Variants in CELF4 observed in about 807,000 individuals in gnomAD.
The protein encoded by CELF4 is CUGBP Elav-like family member 4.
In CELF4, 18 loss-of-function variants were observed where a neutral mutation model predicts 59.9. That is an observed-to-expected ratio of 0.30 (90% CI 0.21 to 0.45). CELF4 has a LOEUF of 0.45. CELF4 is among the 20% of genes least tolerant of loss of function. CELF4 has a pLI of 1.00. For missense variants in CELF4, 456 were observed against 689.0 expected (o/e 0.66, Z 3.79); for synonymous variants, 261 against 267.1 (o/e 0.98, Z 0.22).
At chr18:37,475,805 G>A (rs550520862) in intron 2 of CELF4, among the ~76,000 whole-genome samples, 17 of 152,256 alleles carry the variant, frequency 1.1e-4, no homozygotes, top group African/African-American at 4.1e-4. Flanking sequence ...CCCAATTCCA[G>A]GAGGAAAATT....
chr18:37,320,335 C>CAAAA (rs397858112), intron 3 of CELF4, among the ~76,000 whole-genome samples: 2 of 65,244 alleles, frequency 3.1e-5, no homozygotes, highest in Non-Finnish European at 2.9e-5. Flanking sequence ...GACTCCATCT[C>CAAAA]AAAAAAAAAA....
chr18:37,420,336 C>A (rs939771016), intron 2 of CELF4, among the ~76,000 whole-genome samples: 23 of 152,224 alleles, frequency 1.5e-4, no homozygotes, highest in African/African-American at 4.8e-4. Flanking sequence ...CCTTGGTTTC[C>A]TTATCTGGTA....
chr18:37,368,317 C>T (rs370816730), intron 2 of CELF4, among the ~76,000 whole-genome samples: 5 of 152,250 alleles, frequency 3.3e-5, no homozygotes, highest in African/African-American at 9.6e-5. Context: ...CCTCCCTGCC[C>T]GTCTCCCTAC....
intron 10 of CELF4, among the ~76,000 whole-genome samples, chr18:37,259,628 C>G (rs147589522): frequency 4.6e-4 from 70 of 152,270 alleles, no homozygotes; most frequent in African/African-American, 1.5e-3. Context: ...CCCAGGAGAT[C>G]CGGGAGGCCT....
intron 3 of CELF4, among the ~76,000 whole-genome samples, chr18:37,317,648 A>G (rs2096914106): frequency 6.6e-6 from 1 of 151,978 alleles, no homozygotes; most frequent in Non-Finnish European, 1.5e-5. Flanking sequence ...TTCCCTCTGT[A>G]CTTGTATCTC....
chr18:37,547,609 G>A (rs780387646), intron 1 of CELF4, among the ~76,000 whole-genome samples: 14 of 152,194 alleles, frequency 9.2e-5, no homozygotes, highest in Non-Finnish European at 1.8e-4. Context: ...GGAGATTGCA[G>A]GGGGAGTGCT....
At chr18:37,509,372 G>A (rs2099941738) in intron 1 of CELF4, among the ~76,000 whole-genome samples, 1 of 152,254 alleles carries the variant, frequency 6.6e-6, no homozygotes, top group African/African-American at 2.4e-5. Context: ...TGTGTGTGTG[G>A]TGAAAAAATC....
At chr18:37,463,288 C>T (rs1165436052) in intron 2 of CELF4, among the ~76,000 whole-genome samples, 1 of 152,112 alleles carries the variant, frequency 6.6e-6, no homozygotes, top group Non-Finnish European at 1.5e-5. Context: ...CATGGCTGCA[C>T]CAGGCCTGGC....
intron 3 of CELF4, among the ~76,000 whole-genome samples, chr18:37,295,064 T>A (rs1306837166): frequency 2.0e-5 from 3 of 152,160 alleles, no homozygotes; most frequent in Non-Finnish European, 4.4e-5. Flanking sequence ...TCTCTTTCTG[T>A]CTCTGGGGCT....
In CELF4 at chr18:37,316,442, C is replaced by T. The variant is rs1236670553; in HGVS notation, c.448+5361G>A. Among the ~76,000 whole-genome samples, 3 of 152,106 alleles carry T rather than the reference C, an allele frequency of 2.0e-5. No homozygotes were observed. In the East Asian group the frequency reaches 5.8e-4, roughly 29 times the overall value. On this transcript the variant is annotated intron_variant, in intron 3 of 12. Transcript: ENST00000420428. Reference sequence around the variant, plus strand: ...GCCTTCCTTCCCTACTTAATTGGAACCCCAGATCCTGGTGGTGGTAGCAGG... The same window carrying T: ...GCCTTCCTTCCCTACTTAATTGGAATCCCAGATCCTGGTGGTGGTAGCAGG...
intron 2 of CELF4, among the ~76,000 whole-genome samples, chr18:37,344,088 G>C (rs1466767358): frequency 1.3e-5 from 2 of 152,186 alleles, no homozygotes; most frequent in African/African-American, 2.4e-5. Flanking sequence ...CCATTGCCTA[G>C]GACTGTCAGC....
intron 2 of CELF4, among the ~76,000 whole-genome samples, chr18:37,447,848 A>G (rs2099752440): frequency 6.6e-6 from 1 of 152,124 alleles, no homozygotes; most frequent in South Asian, 2.1e-4. Context: ...TTGTTCATTC[A>G]TTCCACATGA....
chr18:37,293,749 G>T (rs891877611), intron 3 of CELF4, among the ~76,000 whole-genome samples: 1 of 152,138 alleles, frequency 6.6e-6, no homozygotes, highest in Non-Finnish European at 1.5e-5. Flanking sequence ...ATCCTAAGAG[G>T]TTATCTGATG....
chr18:37,420,799 C>G (rs2099573371), intron 2 of CELF4, among the ~76,000 whole-genome samples: 1 of 152,194 alleles, frequency 6.6e-6, no homozygotes, highest in Non-Finnish European at 1.5e-5. Flanking sequence ...CCACCAATCT[C>G]TCCAGTGCCC....
chr18:37,359,707 C>T (rs888532067), intron 2 of CELF4, among the ~76,000 whole-genome samples: 6 of 152,182 alleles, frequency 3.9e-5, no homozygotes, highest in Admixed American at 6.5e-5. Context: ...TGCCAACATG[C>T]CCAGCTAATT....
At chr18:37,367,865 T>C (rs544416915) in intron 2 of CELF4, among the ~76,000 whole-genome samples, 1 of 152,090 alleles carries the variant, frequency 6.6e-6, no homozygotes, top group Non-Finnish European at 1.5e-5. Flanking sequence ...TTGCCAAGAG[T>C]GTCCCTCTCC....
At chr18:37,375,052 T>C (rs1049370747) in intron 2 of CELF4, among the ~76,000 whole-genome samples, 1 of 152,076 alleles carries the variant, frequency 6.6e-6, no homozygotes, top group Non-Finnish European at 1.5e-5. Context: ...TGGGTGTGTG[T>C]ATAGGGTGAG....
At chr18:37,403,174 AG>A in intron 2 of CELF4, among the ~76,000 whole-genome samples, 1 of 142,916 alleles carries the variant, frequency 7.0e-6, no homozygotes, top group South Asian at 2.5e-4. Context: ...GGGTTGGGGG[AG>A]GGCGGGCCAG....
At chr18:37,303,524 C>A (rs73948874) in intron 3 of CELF4, among the ~76,000 whole-genome samples, 5,168 of 152,238 alleles carry the variant, frequency 0.034, 285 homozygotes, top group African/African-American at 0.12. Context: ...TAATATCAGA[C>A]CAAATGAGAA....
Sources: allele counts gnomAD v4.1 joint callset (sites outside exome capture counted in the v4.1 genomes callset), GRCh38; gene constraint gnomAD v4.1.1; transcripts MANE v1.5; gene names NCBI Gene and HGNC (gene_info 2026-07-23, HGNC 2026-07-21).